Variants in CA10 observed in about 807,000 individuals in gnomAD.
CA10 encodes carbonic anhydrase 10 (inactive), also known as carbonic anhydrase-related protein 10.
In CA10, 14 loss-of-function variants were observed where a neutral mutation model predicts 44.2. The ratio of observed to expected loss-of-function variants is 0.32; its 90% confidence interval spans 0.21 to 0.50. The LOEUF (loss-of-function observed/expected upper bound fraction) is 0.50, where lower values mean the gene tolerates loss of function less well. Among genes scored for constraint, CA10 ranks in the 20% least tolerant of loss-of-function variants. The pLI is 0.99. For missense variants in CA10, 350 were observed against 409.7 expected (o/e 0.85, Z 1.26); for synonymous variants, 159 against 141.6 (o/e 1.12, Z -0.87).
At chr17:52,118,369 T>C (rs1342656821) in intron 1 of CA10, among the ~76,000 whole-genome samples, 1 of 152,216 alleles carries the variant, frequency 6.6e-6, no homozygotes, top group African/African-American at 2.4e-5. Flanking sequence ...AAAGATTTTC[T>C]GCCTTGTTTT....
chr17:51,771,397 A>G lies in CA10; in HGVS notation c.280-23579T>C, dbSNP rs1467842102. Among the ~76,000 whole-genome samples the G allele has an allele frequency of 2.6e-5, 4 of 152,180 alleles. No individual in the cohort carries two copies. The East Asian group carries it at 7.7e-4, about 29-fold the overall frequency. ...GACCTGTCCAAAATCACAGAGCAAGATGGTGATAAAATCAGGTCACCAAGC... is the reference window on the plus strand; with the variant it reads ...GACCTGTCCAAAATCACAGAGCAAGGTGGTGATAAAATCAGGTCACCAAGC... On this transcript the variant is annotated intron_variant, in intron 3 of 8. Coordinates refer to ENST00000451037, the MANE Select transcript of CA10 (RefSeq NM_020178.5).
intron 3 of CA10, among the ~76,000 whole-genome samples, chr17:51,870,681 G>A (rs1054490369): frequency 4.6e-5 from 7 of 152,156 alleles, no homozygotes; most frequent in South Asian, 2.1e-4. Context: ...TGTTTGCTTC[G>A]TGGAAGCAAT....
At chr17:51,913,926 A>T (rs1489034802) in intron 3 of CA10, among the ~76,000 whole-genome samples, 2 of 152,108 alleles carry the variant, frequency 1.3e-5, no homozygotes, top group Non-Finnish European at 2.9e-5. Flanking sequence ...CATTATTATT[A>T]TCCACAGAGA....
intron 3 of CA10, among the ~76,000 whole-genome samples, chr17:51,773,924 T>C (rs763589567): frequency 5.9e-5 from 9 of 152,186 alleles, no homozygotes; most frequent in Non-Finnish European, 1.3e-4. Flanking sequence ...TGCCTGAGCA[T>C]ATTTATCAGC....
intron 2 of CA10, among the ~76,000 whole-genome samples, chr17:52,024,110 A>G (rs1986227302): frequency 6.6e-6 from 1 of 152,076 alleles, no homozygotes; most frequent in Non-Finnish European, 1.5e-5. Flanking sequence ...TTAGGGCTTC[A>G]TAACCTCAGT....
intron 3 of CA10, among the ~76,000 whole-genome samples, chr17:51,890,360 T>C (rs190857686): frequency 1.3e-5 from 2 of 152,198 alleles, no homozygotes; most frequent in East Asian, 3.8e-4. Context: ...AGTTTAAGAC[T>C]TGTTGCCATT....
chr17:52,117,891 T>C (rs1237519962), intron 1 of CA10, among the ~76,000 whole-genome samples: 4 of 152,250 alleles, frequency 2.6e-5, no homozygotes, highest in African/African-American at 9.6e-5. Flanking sequence ...GTGGAAGGTT[T>C]CTAAGAATTA....
At chr17:51,680,429 G>T (rs1914805416) in intron 4 of CA10, among the ~76,000 whole-genome samples, 1 of 152,218 alleles carries the variant, frequency 6.6e-6, no homozygotes, top group African/African-American at 2.4e-5. Flanking sequence ...AGCTCTGGAA[G>T]ATTAAACCAA....
intron 2 of CA10, among the ~76,000 whole-genome samples, chr17:51,990,275 T>C (rs932881008): frequency 1.3e-5 from 2 of 152,172 alleles, no homozygotes; most frequent in Non-Finnish European, 2.9e-5. Flanking sequence ...ATCCCTGTTT[T>C]ATAGGTGCTA....
At chr17:51,645,839 A>T (rs1597959843) in intron 6 of CA10, among the ~76,000 whole-genome samples, 1 of 152,174 alleles carries the variant, frequency 6.6e-6, no homozygotes, top group South Asian at 2.1e-4. Flanking sequence ...CCTCATCTTC[A>T]TCTCCTTGGC....
At chr17:51,722,581 C>T (rs568423177) in intron 4 of CA10, among the ~76,000 whole-genome samples, 2 of 152,328 alleles carry the variant, frequency 1.3e-5, no homozygotes, top group African/African-American at 4.8e-5. Flanking sequence ...CTCAGGGCCC[C>T]CTGTCCCCTT....
chr17:52,122,550 T>C (rs529236471), intron 1 of CA10, among the ~76,000 whole-genome samples: 1 of 152,344 alleles, frequency 6.6e-6, no homozygotes, highest in South Asian at 2.1e-4. Context: ...GGCAAGCTCC[T>C]TGCTTATCCC....
chr17:51,837,085 C>A (rs901811927), intron 3 of CA10, among the ~76,000 whole-genome samples: 3 of 151,524 alleles, frequency 2.0e-5, no homozygotes, highest in Non-Finnish European at 4.4e-5. Flanking sequence ...AGACAACACA[C>A]ACACACACAC....
chr17:51,773,038 G>T (rs1277119393), intron 3 of CA10, among the ~76,000 whole-genome samples: 1 of 152,152 alleles, frequency 6.6e-6, no homozygotes, highest in Non-Finnish European at 1.5e-5. Flanking sequence ...CAGGCCATAA[G>T]CTCCTTCAAG....
intron 4 of CA10, among the ~76,000 whole-genome samples, chr17:51,670,405 C>T (rs1487209661): frequency 2.0e-5 from 3 of 151,884 alleles, no homozygotes; most frequent in Non-Finnish European, 4.4e-5. Context: ...CAGTAAAAGG[C>T]AGAGCCACAT....
At chr17:52,022,219 A>C (rs1014939830) in intron 2 of CA10, among the ~76,000 whole-genome samples, 3 of 152,152 alleles carry the variant, frequency 2.0e-5, no homozygotes, top group African/African-American at 4.8e-5. Flanking sequence ...AATACTAGCA[A>C]GCTGAAATCC....
intron 3 of CA10, among the ~76,000 whole-genome samples, chr17:51,780,163 A>G (rs780226384): frequency 5.3e-5 from 8 of 152,196 alleles, no homozygotes; most frequent in Non-Finnish European, 1.2e-4. Context: ...TCCTTTGACA[A>G]CAAAAGAGAG....
chr17:51,974,581 T>G (rs1401009125), intron 2 of CA10, among the ~76,000 whole-genome samples: 1 of 151,642 alleles, frequency 6.6e-6, no homozygotes, highest in Non-Finnish European at 1.5e-5. Context: ...GTCCAAATAG[T>G]CTAATGTATA....
At chr17:51,754,998 C>A (rs1905035502) in intron 3 of CA10, among the ~76,000 whole-genome samples, 1 of 151,716 alleles carries the variant, frequency 6.6e-6, no homozygotes, top group South Asian at 2.1e-4. Flanking sequence ...ATATATGATA[C>A]AAACACATAT....
Sources: allele counts gnomAD v4.1 joint callset (sites outside exome capture counted in the v4.1 genomes callset), GRCh38; gene constraint gnomAD v4.1.1; transcripts MANE v1.5; gene names NCBI Gene and HGNC (gene_info 2026-07-23, HGNC 2026-07-21).